MAPK10: variants seen among roughly 807,000 people sequenced by gnomAD.
MAPK10 encodes the protein JNK3 alpha protein kinase.
A neutral mutation model predicts 59.3 loss-of-function variants in MAPK10; 25 were observed. The observed-to-expected ratio is 0.42, with a 90% CI of 0.31 to 0.59. MAPK10 has a LOEUF of 0.59. MAPK10 is among the 20% of genes least tolerant of loss of function. The pLI is 0.15. For synonymous variants in MAPK10, 190 were observed against 200.5 expected, an observed-to-expected ratio of 0.95 and a Z score of 0.44; for missense variants, 351 against 568.9, an observed-to-expected ratio of 0.62 and a Z score of 3.90.
At chr4:86,566,888 G>A (rs888796435) in intron 1 of MAPK10, among the ~76,000 whole-genome samples, 3 of 151,950 alleles carry the variant, frequency 2.0e-5, no homozygotes, top group Non-Finnish European at 4.4e-5. Flanking sequence ...AGGCAACATG[G>A]CGAAACCCCG....
chr4:86,314,024 CA>C (rs35435792), intron 2 of MAPK10, among the ~76,000 whole-genome samples: 91,412 of 151,914 alleles, frequency 0.6, 28,239 homozygotes, highest in South Asian at 0.74. Context: ...ACTACAGCCA[CA>C]AAAAAACAGC....
At chr4:86,267,392 G>A (rs938490803) in intron 2 of MAPK10, among the ~76,000 whole-genome samples, 4 of 152,144 alleles carry the variant, frequency 2.6e-5, no homozygotes, top group African/African-American at 4.8e-5. Flanking sequence ...GTGTACTCCT[G>A]TAAGCTACTC....
At chr4:86,265,180 G>A (rs994305534) in intron 2 of MAPK10, among the ~76,000 whole-genome samples, 1 of 152,006 alleles carries the variant, frequency 6.6e-6, no homozygotes, top group African/African-American at 2.4e-5. Flanking sequence ...GGGATCCTGA[G>A]CCTGTTCAGA....
chr4:86,477,450 C>G (rs1390447912), intron 1 of MAPK10, among the ~76,000 whole-genome samples: 2 of 152,116 alleles, frequency 1.3e-5, no homozygotes, highest in Non-Finnish European at 2.9e-5. Flanking sequence ...CCTTCACATC[C>G]TCCCCTTGTA....
At chr4:86,532,212 T>G in intron 1 of MAPK10, among the ~76,000 whole-genome samples, 1 of 151,988 alleles carries the variant, frequency 6.6e-6, no homozygotes. Context: ...TTTAAGACTT[T>G]GTGCTTCACA....
chr4:86,211,590 G>C (rs979328424), intron 2 of MAPK10, among the ~76,000 whole-genome samples: 1 of 151,980 alleles, frequency 6.6e-6, no homozygotes, highest in South Asian at 2.1e-4. Context: ...AAGTCATTCG[G>C]GTTAAAATGA....
intron 1 of MAPK10, among the ~76,000 whole-genome samples, chr4:86,368,826 G>C (rs551876513): frequency 1.4e-4 from 22 of 152,126 alleles, no homozygotes; most frequent in African/African-American, 4.8e-4. Flanking sequence ...ATAACGGGGG[G>C]AGGGAAAGTC....
chr4:86,031,834 G>T (rs1006368687), intron 11 of MAPK10: 2 of 159,718 alleles, frequency 1.3e-5, no homozygotes, highest in African/African-American at 2.4e-5. Context: ...ATTCTTCTAG[G>T]CTAATAAGAT....
At chr4:86,553,083 T>C (rs965688027) in intron 1 of MAPK10, among the ~76,000 whole-genome samples, 6 of 152,104 alleles carry the variant, frequency 3.9e-5, no homozygotes, top group African/African-American at 1.4e-4. Context: ...TCAACAAAAA[T>C]AGGATGCTGA....
rs146441873 is a variant in MAPK10 at position 86,390,462 on chromosome 4, T to C, written c.-121-35818A>G. Among the ~76,000 whole-genome samples the C allele has an allele frequency of 3.3e-5, 5 of 152,294 alleles. No individual in the cohort carries two copies. The East Asian group carries it at 9.6e-4, about 29-fold the overall frequency. On this transcript the variant is annotated intron_variant, in intron 1 of 13. Coordinates refer to the MAPK10 transcript ENST00000361569. Reference sequence around the variant, plus strand: ...TACCCTCCCCTTCCCCCAAGCAACTTGGGCAGGATGCTACCTCTACTTTGA... The same window carrying C: ...TACCCTCCCCTTCCCCCAAGCAACTCGGGCAGGATGCTACCTCTACTTTGA...
At chr4:86,422,053 T>C (rs1424317872) in intron 1 of MAPK10, among the ~76,000 whole-genome samples, 3 of 152,204 alleles carry the variant, frequency 2.0e-5, no homozygotes, top group Non-Finnish European at 2.9e-5. Flanking sequence ...CCCTTCTCAC[T>C]AGTTAGCCCC....
intron 1 of MAPK10, among the ~76,000 whole-genome samples, chr4:86,394,275 A>G (rs944730383): frequency 6.6e-6 from 1 of 152,040 alleles, no homozygotes; most frequent in East Asian, 1.9e-4. Flanking sequence ...TTTCAAAAAA[A>G]AAAGAAAGAA....
intron 4 of MAPK10, among the ~76,000 whole-genome samples, chr4:86,110,779 G>T (rs143733148): frequency 1.3e-5 from 2 of 152,136 alleles, no homozygotes; most frequent in Non-Finnish European, 2.9e-5. Flanking sequence ...AATGTCAATG[G>T]TAGTTTAATG....
chr4:86,174,576 C>T (rs753792373), intron 3 of MAPK10, among the ~76,000 whole-genome samples: 1 of 152,160 alleles, frequency 6.6e-6, no homozygotes, highest in Admixed American at 6.5e-5. Flanking sequence ...CAAAGCTGCA[C>T]TTTCTGCAAA....
At position 86,441,344 on chromosome 4, in the gene MAPK10, C is replaced by T. The variant is rs189873856; in HGVS notation, c.-122+11686G>A. Among the ~76,000 whole-genome samples, 40 of 152,298 alleles carry T rather than the reference C, an allele frequency of 2.6e-4. No individual in the cohort carries two copies. In the South Asian group the frequency reaches 3.7e-3, roughly 14 times the overall value. On this transcript the variant is annotated intron_variant, in intron 1 of 13. Coordinates refer to the MAPK10 transcript ENST00000361569. ...CCAGAATTGCTAAAATACCCTTATT[C>T]GTATTCTGCTGCAAGCATTGAGTTC... is the stretch of plus-strand genomic sequence containing the variant.
At chr4:86,025,443 A>G (rs923006631) in intron 13 of MAPK10, 1 of 398,012 alleles carries the variant, frequency 2.5e-6, no homozygotes. Context: ...GGGACAAGAC[A>G]TGGGCCTTGG....
chr4:86,103,183 T>C lies in MAPK10; in HGVS notation c.425+3A>G. The C allele has an allele frequency of 3.1e-6, 5 of 1,607,970 alleles. No homozygotes were observed. The highest frequency in any genetic ancestry group is 2.2e-5 in the East Asian group (1 of 44,636). On this transcript the variant is annotated splice_donor_region_variant and intron_variant, in intron 6 of 13. Transcript: ENST00000641462. Reference sequence around the variant, plus strand: ...CCCTTCCTTCATGAGTTTTGTTACTTACACATCTTGGAACTCCTCCAGCGT... The same window carrying C: ...CCCTTCCTTCATGAGTTTTGTTACTCACACATCTTGGAACTCCTCCAGCGT...
chr4:86,550,029 A>C (rs1759633355), intron 1 of MAPK10, among the ~76,000 whole-genome samples: 1 of 152,188 alleles, frequency 6.6e-6, no homozygotes, highest in Non-Finnish European at 1.5e-5. Flanking sequence ...GCTTTCAAGT[A>C]ACCATGACTT....
intron 1 of MAPK10, among the ~76,000 whole-genome samples, chr4:86,575,083 A>C (rs1239312532): frequency 6.6e-6 from 1 of 152,208 alleles, no homozygotes; most frequent in African/African-American, 2.4e-5. Context: ...GGGCCTGAAT[A>C]GAACAAAATG....
Sources: gnomAD v4.1 joint callset for allele counts (sites outside exome capture counted in the v4.1 genomes callset) on GRCh38, gnomAD v4.1.1 for gene constraint, MANE v1.5 for transcripts, NCBI Gene and HGNC (gene_info 2026-07-23, HGNC 2026-07-21) for gene names.